FBXO11: variants seen among roughly 807,000 people sequenced by gnomAD.
FBXO11 encodes the protein F-box protein 11.
Under a neutral mutation model 117.0 loss-of-function variants are expected in FBXO11, and 13 were observed. That is an observed-to-expected ratio of 0.11 (90% CI 0.07 to 0.18). The LOEUF is 0.18. FBXO11 is among the 10% of genes least tolerant of loss of function. FBXO11 has a pLI of 1.00. For missense variants in FBXO11, 767 were observed against 1,164.4 expected, an observed-to-expected ratio of 0.66 and a Z score of 4.97; for synonymous variants, 490 against 380.5, an observed-to-expected ratio of 1.29 and a Z score of -3.35.
chr2:47,905,302 C>T, intron 1 of FBXO11, 187 bp downstream of exon 1: 1 of 470,586 alleles, frequency 2.1e-6, no homozygotes, highest in Non-Finnish European at 3.1e-6. Context: ...GAAGCCGCGG[C>T]TTTTCCTGCC....
intron 1 of FBXO11, among the ~76,000 whole-genome samples, chr2:47,869,350 A>C (rs1372845668): frequency 2.6e-5 from 4 of 152,218 alleles, no homozygotes; most frequent in African/African-American, 9.6e-5. Flanking sequence ...ATGCCTTTGA[A>C]TCAACTGGCA....
chr2:47,816,629 T>C (rs1485833752), intron 16 of FBXO11, among the ~76,000 whole-genome samples: 1 of 150,112 alleles, frequency 6.7e-6, no homozygotes, highest in Non-Finnish European at 1.5e-5. Flanking sequence ...GACTTAAAAA[T>C]TGAAATCACT....
In FBXO11 at chr2:47,880,032, G is replaced by A. The variant is rs915360885; in HGVS notation, c.232+25457C>T. Among the ~76,000 whole-genome samples, 4 of 149,702 alleles carry A rather than the reference G, an allele frequency of 2.7e-5. No individual in the cohort carries two copies. The East Asian group carries it at 7.8e-4, about 29-fold the overall frequency. On this transcript the variant is annotated intron_variant, in intron 1 of 22. Coordinates refer to ENST00000403359, the MANE Select transcript of FBXO11 (RefSeq NM_001190274.2). Reference sequence around the variant, plus strand: ...TTTTTTGGAAACGGGGTCTCACTCTGTCACCCAGGTTGGAGTGTAGTGGTG... The same window carrying A: ...TTTTTTGGAAACGGGGTCTCACTCTATCACCCAGGTTGGAGTGTAGTGGTG...
At chr2:47,814,662 A>C (rs1670886403) in intron 16 of FBXO11, among the ~76,000 whole-genome samples, 1 of 152,124 alleles carries the variant, frequency 6.6e-6, no homozygotes, top group Non-Finnish European at 1.5e-5. Context: ...TACAGGCATG[A>C]TCTACTGCAC....
At position 47,809,279 on chromosome 2, in the gene FBXO11, AAAG is replaced by A. The variant is rs753420399; in HGVS notation, c.2447-16_2447-14del. Reference sequence around the variant, plus strand: ...ATTATTTTGTTATCTGTAATAAAAGAAAGAATAAGTAAAAATTCAGAGGAATGT... The same window carrying A: ...ATTATTTTGTTATCTGTAATAAAAGAAATAAGTAAAAATTCAGAGGAATGT... On this transcript the variant is annotated splice_polypyrimidine_tract_variant and intron_variant, in intron 20 of 22. Coordinates refer to ENST00000403359, the MANE Select transcript of FBXO11 (RefSeq NM_001190274.2). 1 of 1,470,774 alleles carries A rather than the reference AAAG, an allele frequency of 6.8e-7. No individual in the cohort carries two copies. Among genetic ancestry groups the A allele is most frequent in the Non-Finnish European group, 9.4e-7 (1 of 1,066,870 alleles). 91.1% of individuals were successfully genotyped at this position (1,470,774 alleles called of 1,614,324 possible).
At chr2:47,844,957 G>A (rs527709471) in intron 1 of FBXO11, among the ~76,000 whole-genome samples, 1 of 152,272 alleles carries the variant, frequency 6.6e-6, no homozygotes, top group African/African-American at 2.4e-5. Flanking sequence ...ATTTCATTTT[G>A]ATATGTTTGT....
chr2:47,838,877 G>C lies in FBXO11; in HGVS notation c.569C>G (p.Ala190Gly), dbSNP rs1672799665. Residue 190 changes from alanine to glycine, a missense_variant, in exon 4 of 23, where the codon GCT becomes GGT. Ala to Gly is a moderately conservative substitution (Grantham distance 60). Coordinates refer to ENST00000403359, the MANE Select transcript of FBXO11 (RefSeq NM_001190274.2). The part of the protein sequence containing the change: ...ACVCKRFSEL[A>G]NDPILWKRLY... ...TACTTACCACAAAATTGGATCATTA[G>C]CAAGTTCACTGAAGCGTTTACATAC... 5 of 1,613,624 alleles carry C rather than the reference G, an allele frequency of 3.1e-6. No homozygotes were observed. Among genetic ancestry groups the C allele is most frequent in the Non-Finnish European group, 4.2e-6 (5 of 1,179,772 alleles).
At chr2:47,874,580 G>A (rs557393321) in intron 1 of FBXO11, among the ~76,000 whole-genome samples, 2 of 152,034 alleles carry the variant, frequency 1.3e-5, no homozygotes, top group African/African-American at 2.4e-5. Flanking sequence ...TGTTGCCCAG[G>A]ATGCATTGCA....
intron 4 of FBXO11, among the ~76,000 whole-genome samples, chr2:47,838,197 CACT>C (rs1672738357): frequency 1.3e-5 from 2 of 152,004 alleles, no homozygotes; most frequent in South Asian, 4.1e-4. Context: ...CGTGACACTG[CACT>C]CCAGCCTGGG....
intron 1 of FBXO11, among the ~76,000 whole-genome samples, chr2:47,899,623 G>A (rs1477481404): frequency 2.0e-5 from 3 of 152,132 alleles, no homozygotes; most frequent in Admixed American, 6.5e-5. Context: ...TTAACTCTGA[G>A]CTCTTTACAT....
rs558924427 is a variant in FBXO11 at position 47,888,729 on chromosome 2, T to A, written c.232+16760A>T. The A allele has an allele frequency of 2.1e-4, 194 of 920,542 alleles. No homozygotes were observed. In the Middle Eastern group the frequency reaches 3.3e-3, roughly 16 times the overall value. The allele number at this position is 920,542 out of a possible 1,614,324, so 57.0% of individuals were successfully genotyped here. ...ATCTTATTGCTATGATACAGTATCA[T>A]GTGTTTATACACACCCAAGCACCCA... On this transcript the variant is annotated intron_variant, in intron 1 of 22. Coordinates refer to ENST00000403359, the MANE Select transcript of FBXO11 (RefSeq NM_001190274.2).
rs1343080179 is a variant in FBXO11 at position 47,808,107 on chromosome 2, A to C, written c.*11T>G. On this transcript the variant is annotated 3_prime_UTR_variant, in exon 23 of 23. Transcript: ENST00000403359. ...GTTACAATGGCAGGACTTTTTCTTT[A>C]GGGAAGGAATTCAGTTGTGCTGCAA... 3.8e-6 allele frequency: 6 copies of C among 1,594,004 alleles called. No individual in the cohort carries two copies. The highest frequency in any genetic ancestry group is 5.1e-6 in the Non-Finnish European group (6 of 1,173,436).
At chr2:47,899,610 G>C (rs931134897) in intron 1 of FBXO11, among the ~76,000 whole-genome samples, 12 of 152,114 alleles carry the variant, frequency 7.9e-5, no homozygotes, top group Non-Finnish European at 1.6e-4. Flanking sequence ...TATCTAGCTA[G>C]CTTTAACTCT....
At chr2:47,899,745 G>A (rs1019903388) in intron 1 of FBXO11, among the ~76,000 whole-genome samples, 1 of 152,110 alleles carries the variant, frequency 6.6e-6, no homozygotes, top group Admixed American at 6.5e-5. Flanking sequence ...TTCTGTGGAA[G>A]ATAAGAATAT....
intron 1 of FBXO11, among the ~76,000 whole-genome samples, chr2:47,901,241 G>C (rs1269491454): frequency 1.3e-5 from 2 of 150,380 alleles, no homozygotes; most frequent in African/African-American, 4.9e-5. Flanking sequence ...TGGGATTAGA[G>C]AGACTAGGTT....
At chr2:47,817,073 C>A (rs534455240) in intron 16 of FBXO11, among the ~76,000 whole-genome samples, 2 of 152,350 alleles carry the variant, frequency 1.3e-5, no homozygotes, top group African/African-American at 4.8e-5. Context: ...TGAGTCTACA[C>A]TGAAATCTGT....
At chr2:47,816,662 G>A (rs1353914688) in intron 16 of FBXO11, among the ~76,000 whole-genome samples, 2 of 152,156 alleles carry the variant, frequency 1.3e-5, no homozygotes, top group Non-Finnish European at 2.9e-5. Context: ...CTGTGGGATG[G>A]ATGCTGTATT....
intron 1 of FBXO11, among the ~76,000 whole-genome samples, chr2:47,897,529 T>G (rs1165948944): frequency 6.6e-6 from 1 of 151,948 alleles, no homozygotes; most frequent in African/African-American, 2.4e-5. Flanking sequence ...AAACCCCGTC[T>G]CTACTGAAAA....
chr2:47,816,456 C>G (rs1039725891), intron 16 of FBXO11, among the ~76,000 whole-genome samples: 9 of 152,164 alleles, frequency 5.9e-5, no homozygotes, highest in Non-Finnish European at 1.2e-4. Flanking sequence ...GCTTGGATTA[C>G]AGCACTTTTT....
Sources: allele counts gnomAD v4.1 joint callset (sites outside exome capture counted in the v4.1 genomes callset), GRCh38; gene constraint gnomAD v4.1.1; transcripts MANE v1.5; gene names NCBI Gene and HGNC (gene_info 2026-07-23, HGNC 2026-07-21).